The following MTUS2 variants were observed in gnomAD, a reference collection of about 807,000 sequenced individuals.
MTUS2 encodes the protein microtubule-associated tumor suppressor candidate 2.
MTUS2 carries 40 observed loss-of-function variants against 114.1 expected under a neutral mutation model. The observed-to-expected ratio is 0.35, with a 90% confidence interval of 0.27 to 0.46. The LOEUF (loss-of-function observed/expected upper bound fraction) is 0.46. Ranked by LOEUF, MTUS2 falls within the 20% of genes least tolerant of loss-of-function variation. The probability of loss-of-function intolerance (pLI) is 1.00; values close to 1 mark genes in which losing one functional copy is unlikely to be tolerated. For missense variants in MTUS2, 1,679 were observed against 1,705.4 expected, an observed-to-expected ratio of 0.98 and a Z score of 0.27; for synonymous variants, 688 against 672.0, an observed-to-expected ratio of 1.02 and a Z score of -0.37.
At chr13:28,893,461 A>C (rs1369167031) in intron 2 of MTUS2, among the ~76,000 whole-genome samples, 2 of 152,316 alleles carry the variant, frequency 1.3e-5, no homozygotes, top group Admixed American at 6.5e-5. Flanking sequence ...TGAGTGCCGA[A>C]GGTAAAGCCA....
chr13:28,851,887 C>T (rs1299460530), intron 2 of MTUS2, among the ~76,000 whole-genome samples: 1 of 152,156 alleles, frequency 6.6e-6, no homozygotes, highest in African/African-American at 2.4e-5. Context: ...GCTGTTTCCA[C>T]TCTTCCCTCC....
In MTUS2 at chr13:29,496,837, G is replaced by T. The variant is rs193066823; in HGVS notation, c.3580-401G>T. 1.0e-3 allele frequency among the ~76,000 whole-genome samples: 154 copies of T among 152,264 alleles called. 4 individuals are homozygous for T. The highest frequency in any genetic ancestry group is 2.9e-4 in the Non-Finnish European group (20 of 68,004). On this transcript the variant is annotated intron_variant, in intron 12 of 15. Transcript: ENST00000612955. This position sits in a 1 kb window ranked among gnomAD's most constrained non-coding sequence, Gnocchi z 4.3. The stretch of plus-strand genomic sequence containing the variant: ...GAGGGTTTGAAGGGATCTGAATTGA[G>T]CTTCCTAAATGAGAATACATCTTTG...
chr13:29,000,453 C>G (rs770564749), intron 2 of MTUS2, among the ~76,000 whole-genome samples: 3 of 152,056 alleles, frequency 2.0e-5, no homozygotes, highest in South Asian at 2.1e-4. Context: ...ACCTCCACCC[C>G]CTGGGTTTAA....
At chr13:28,997,154 C>G (rs1885150421) in intron 2 of MTUS2, among the ~76,000 whole-genome samples, 1 of 152,040 alleles carries the variant, frequency 6.6e-6, no homozygotes, top group Non-Finnish European at 1.5e-5. Context: ...CGTTATGTAC[C>G]CAGTAGTCAT....
chr13:29,471,324 G>A (rs972680765), intron 9 of MTUS2, among the ~76,000 whole-genome samples: 7 of 151,934 alleles, frequency 4.6e-5, no homozygotes, highest in South Asian at 4.2e-4. Context: ...GCAACAGAGC[G>A]AGACTCCATC....
chr13:29,389,759 GTATA>G (rs1225704605), intron 8 of MTUS2, among the ~76,000 whole-genome samples: 1 of 9,732 alleles, frequency 1.0e-4, no homozygotes, highest in Non-Finnish European at 3.9e-4. Flanking sequence ...ACATATGTGT[GTATA>G]TGTATATACA....
intron 2 of MTUS2, among the ~76,000 whole-genome samples, chr13:29,014,117 G>A (rs137989156): frequency 2.0e-5 from 3 of 151,986 alleles, no homozygotes; most frequent in Non-Finnish European, 4.4e-5. Context: ...TGCTTTTCTC[G>A]CCTCCCTAAC....
intron 2 of MTUS2, among the ~76,000 whole-genome samples, chr13:29,002,490 G>A (rs1416927510): frequency 6.6e-6 from 1 of 152,144 alleles, no homozygotes; most frequent in East Asian, 1.9e-4. Flanking sequence ...CAGATGATAT[G>A]AAAATAGGAA....
intron 9 of MTUS2, among the ~76,000 whole-genome samples, chr13:29,478,862 G>T (rs1288977742): frequency 6.6e-6 from 1 of 152,074 alleles, no homozygotes; most frequent in Admixed American, 6.5e-5. Flanking sequence ...CTGTGTGAAG[G>T]ATGTTAGGAC....
chr13:28,984,330 C>T (rs763302986), intron 2 of MTUS2, among the ~76,000 whole-genome samples: 5 of 152,202 alleles, frequency 3.3e-5, no homozygotes, highest in Non-Finnish European at 5.9e-5. Context: ...TCTCCTTCTA[C>T]CCCTCCTTTC....
At position 29,054,754 on chromosome 13, in the gene MTUS2, C is replaced by T. The variant is rs150859385; in HGVS notation, c.2446+20629C>T. ...TTTAAAATATTTTAATTTCTAGGTA[C>T]ACCTTATGGATCTAGGATATGTATT... On this transcript the variant is annotated intron_variant, in intron 4 of 15. Transcript: ENST00000612955. Among the ~76,000 whole-genome samples, 342 of 152,128 alleles carry T rather than the reference C, an allele frequency of 2.2e-3. 1 individual carries two copies. The highest frequency in any genetic ancestry group is 7.8e-3 in the African/African-American group (324 of 41,538).
rs1251974794 is a variant in MTUS2 at position 29,025,336 on chromosome 13, G to A, written c.638G>A (p.Gly213Glu). 1 of 1,613,836 alleles carries A rather than the reference G, an allele frequency of 6.2e-7. No homozygotes were observed. Among genetic ancestry groups the A allele is most frequent in the Non-Finnish European group, 8.5e-7 (1 of 1,179,880 alleles). ...REARGQIPGGGEGPQKTLPDH... is the reference protein window; with the variant it reads ...REARGQIPGGEEGPQKTLPDH... Reference sequence around the variant, plus strand: ...GCACGGGGTCAGATACCTGGGGGTGGGGAGGGGCCACAGAAGACATTGCCA... The same window carrying A: ...GCACGGGGTCAGATACCTGGGGGTGAGGAGGGGCCACAGAAGACATTGCCA... Residue 213 changes from glycine to glutamate, a missense_variant, in exon 3 of 16, where the codon GGG becomes GAG. Coordinates refer to ENST00000612955, the MANE Select transcript of MTUS2 (RefSeq NM_001033602.4).
intron 2 of MTUS2, among the ~76,000 whole-genome samples, chr13:28,964,352 T>C (rs1883476261): frequency 6.6e-6 from 1 of 152,210 alleles, no homozygotes; most frequent in African/African-American, 2.4e-5. Context: ...CTTCTACCTG[T>C]TCCTCTCATC....
intron 8 of MTUS2, among the ~76,000 whole-genome samples, chr13:29,407,372 T>A (rs1159908995): frequency 6.6e-6 from 1 of 152,184 alleles, no homozygotes; most frequent in African/African-American, 2.4e-5. Context: ...TATTTAGACG[T>A]GGAATTACTG....
At chr13:29,414,701 G>A (rs1875539595) in intron 8 of MTUS2, among the ~76,000 whole-genome samples, 1 of 151,624 alleles carries the variant, frequency 6.6e-6, no homozygotes, top group African/African-American at 2.4e-5. Flanking sequence ...TTTGTTATTT[G>A]TGTTCTTTTT....
intron 2 of MTUS2, among the ~76,000 whole-genome samples, chr13:28,997,450 ACT>A (rs1281297681): frequency 6.6e-6 from 1 of 151,394 alleles, no homozygotes; most frequent in Non-Finnish European, 1.5e-5. Flanking sequence ...ATCCTTGTTA[ACT>A]CTCTGTCTCG....
At chr13:29,125,616 T>A (rs1332845455) in intron 5 of MTUS2, among the ~76,000 whole-genome samples, 2 of 152,108 alleles carry the variant, frequency 1.3e-5, no homozygotes, top group Non-Finnish European at 2.9e-5. Context: ...CCAAAGCACC[T>A]TAGGTTTTTC....
chr13:29,045,750 G>A (rs1268996637), intron 4 of MTUS2, among the ~76,000 whole-genome samples: 2 of 152,144 alleles, frequency 1.3e-5, no homozygotes, highest in Non-Finnish European at 2.9e-5. Flanking sequence ...AACTGAAATG[G>A]TTAGTGCCTC....
At chr13:28,846,818 C>G (rs1387780281) in intron 2 of MTUS2, among the ~76,000 whole-genome samples, 1 of 152,204 alleles carries the variant, frequency 6.6e-6, no homozygotes, top group Admixed American at 6.5e-5. Flanking sequence ...TTTGTCCTAG[C>G]TCCGTCGCGA....
Sources: allele counts gnomAD v4.1 joint callset (sites outside exome capture counted in the v4.1 genomes callset), GRCh38; gene constraint gnomAD v4.1.1; non-coding constraint Gnocchi (gnomAD v3.1); transcripts MANE v1.5; gene names NCBI Gene and HGNC (gene_info 2026-07-23, HGNC 2026-07-21).